ABCA13: variants seen among roughly 807,000 people sequenced by gnomAD.
The protein encoded by ABCA13 is ATP-binding cassette sub-family A member 13.
In ABCA13, 476 loss-of-function variants were observed where a neutral mutation model predicts 478.7. The ratio of observed to expected loss-of-function variants is 0.99; its 90% CI spans 0.92 to 1.07. The LOEUF (loss-of-function observed/expected upper bound fraction) is 1.07, where lower values mean the gene tolerates loss of function less well. Ranked by LOEUF, ABCA13 falls within the 50% of genes least tolerant of loss-of-function variation. The pLI, the probability that ABCA13 is intolerant of heterozygous loss-of-function variation, is 0.00. For synonymous variants in ABCA13, 2,252 were observed against 2,158.9 expected (o/e 1.04, Z -1.20); for missense variants, 6,060 against 5,910.6 (o/e 1.03, Z -0.83).
At chr7:48,424,070 G>A (rs1408845949) in intron 41 of ABCA13, among the ~76,000 whole-genome samples, 1 of 152,208 alleles carries the variant, frequency 6.6e-6, no homozygotes, top group African/African-American at 2.4e-5. Flanking sequence ...TATAAATAAT[G>A]TCATTCCATA....
intron 36 of ABCA13, 67 bp from the exon 37 acceptor site, chr7:48,388,973 A>G (rs537758101): frequency 7.9e-6 from 12 of 1,521,054 alleles, no homozygotes; most frequent in East Asian, 6.8e-5. Flanking sequence ...TGCTGAATTA[A>G]TAAATATGAG....
chr7:48,447,174 C>T (rs1369281637), intron 42 of ABCA13, among the ~76,000 whole-genome samples: 1 of 152,160 alleles, frequency 6.6e-6, no homozygotes, highest in Non-Finnish European at 1.5e-5. Context: ...GTCATTGCCT[C>T]AAAAGTGGGT....
chr7:48,565,051 C>T (rs1032520418), intron 55 of ABCA13, among the ~76,000 whole-genome samples: 43 of 152,120 alleles, frequency 2.8e-4, no homozygotes, highest in Middle Eastern at 3.4e-3. Context: ...ATGAAAGAAA[C>T]ATTAAATGAA....
chr7:48,368,712 T>C (rs146292242), intron 32 of ABCA13, among the ~76,000 whole-genome samples: 59 of 129,104 alleles, frequency 4.6e-4, no homozygotes, highest in Admixed American at 7.8e-4. Flanking sequence ...TATATATATA[T>C]ATACACATAC....
At chr7:48,426,938 G>GGC (rs1821505751) in intron 41 of ABCA13, among the ~76,000 whole-genome samples, 1 of 152,010 alleles carries the variant, frequency 6.6e-6, no homozygotes. Flanking sequence ...TATGCCTGCA[G>GGC]ACAGAGCCGG....
chr7:48,466,875 G>C, intron 43 of ABCA13, 81 bp from the exon 44 acceptor site: 2 of 1,327,858 alleles, frequency 1.5e-6, no homozygotes, highest in Non-Finnish European at 1.1e-6. Flanking sequence ...CACAATGTGA[G>C]GTCAGCAGCT....
intron 38 of ABCA13, among the ~76,000 whole-genome samples, chr7:48,395,604 C>T (rs1816736198): frequency 6.6e-6 from 1 of 152,194 alleles, no homozygotes; most frequent in South Asian, 2.1e-4. Flanking sequence ...GACCAGCTCT[C>T]CCCTTCCTCC....
intron 51 of ABCA13, among the ~76,000 whole-genome samples, chr7:48,515,073 C>T (rs1435685978): frequency 6.6e-6 from 1 of 152,108 alleles, no homozygotes; most frequent in Non-Finnish European, 1.5e-5. Flanking sequence ...TAAGAGTTAA[C>T]TTGAGGGCCT....
At chr7:48,267,859 A>G (rs1048407215) in intron 15 of ABCA13, among the ~76,000 whole-genome samples, 1 of 152,116 alleles carries the variant, frequency 6.6e-6, no homozygotes, top group African/African-American at 2.4e-5. Flanking sequence ...AATTCCAAAT[A>G]TTACACATTT....
chr7:48,178,716 T>C (rs1452005732), intron 1 of ABCA13, among the ~76,000 whole-genome samples: 2 of 146,302 alleles, frequency 1.4e-5, no homozygotes, highest in African/African-American at 2.5e-5. Flanking sequence ...TAAAATAAAA[T>C]GAAAAAAAAA....
intron 1 of ABCA13, among the ~76,000 whole-genome samples, chr7:48,172,567 G>A (rs908173040): frequency 1.2e-4 from 18 of 151,940 alleles, no homozygotes; most frequent in African/African-American, 3.6e-4. Flanking sequence ...AGGCCGAGGC[G>A]GGCGGATCAC....
chr7:48,552,124 T>G (rs1291310590), intron 55 of ABCA13, among the ~76,000 whole-genome samples: 1 of 151,906 alleles, frequency 6.6e-6, no homozygotes, highest in Non-Finnish European at 1.5e-5. Context: ...TTGGTTTCCT[T>G]GCAGTCCTTA....
intron 38 of ABCA13, among the ~76,000 whole-genome samples, chr7:48,394,753 CT>C (rs1295482303): frequency 2.0e-5 from 3 of 151,688 alleles, no homozygotes; most frequent in Admixed American, 1.3e-4. Flanking sequence ...TGAGTAAGTT[CT>C]TTAGTGGTGA....
intron 55 of ABCA13, among the ~76,000 whole-genome samples, chr7:48,571,519 G>A (rs1356373861): frequency 2.0e-5 from 3 of 149,182 alleles, no homozygotes; most frequent in Admixed American, 6.7e-5. Flanking sequence ...GACACTTTGT[G>A]TATGCCATCC....
At chr7:48,522,006 C>T (rs1293095711) in intron 53 of ABCA13, among the ~76,000 whole-genome samples, 1 of 151,886 alleles carries the variant, frequency 6.6e-6, no homozygotes, top group Admixed American at 6.5e-5. Flanking sequence ...GCCTTCTGCT[C>T]AGTGAAGGTG....
chr7:48,509,015 G>A lies in ABCA13; in HGVS notation c.13524+966G>A, dbSNP rs549293938. Among the ~76,000 whole-genome samples, 20 of 152,228 alleles carry A rather than the reference G, an allele frequency of 1.3e-4. No individual in the cohort carries two copies. The South Asian group carries it at 3.9e-3, about 30-fold the overall frequency. ...ATTTAATTTAATCAGAGGTTTCCCT[G>A]AACCTGCCTGGTGATAGATATCACC... On this transcript the variant is annotated intron_variant, in intron 50 of 61. Transcript: ENST00000435803.
At chr7:48,643,822 A>G (rs1795269308) in intron 60 of ABCA13, among the ~76,000 whole-genome samples, 1 of 152,214 alleles carries the variant, frequency 6.6e-6, no homozygotes, top group African/African-American at 2.4e-5. Context: ...ACTTGCTGTC[A>G]TCAAGTATGG....
At chr7:48,381,151 G>C (rs1406330881) in intron 35 of ABCA13, among the ~76,000 whole-genome samples, 2 of 152,070 alleles carry the variant, frequency 1.3e-5, no homozygotes, top group African/African-American at 4.8e-5. Flanking sequence ...GGTGTGTCAT[G>C]CCTCCTTCTC....
chr7:48,362,060 C>T (rs1585011349), intron 31 of ABCA13, among the ~76,000 whole-genome samples: 1 of 152,004 alleles, frequency 6.6e-6, no homozygotes, highest in East Asian at 1.9e-4. Context: ...TAATATATAA[C>T]CCACTTTTGT....
Sources: allele counts gnomAD v4.1 joint callset (sites outside exome capture counted in the v4.1 genomes callset), GRCh38; gene constraint gnomAD v4.1.1; transcripts MANE v1.5; gene names NCBI Gene and HGNC (gene_info 2026-07-23, HGNC 2026-07-21).